The following STK26 variants were observed in gnomAD, a reference collection of about 807,000 sequenced individuals.
The protein encoded by STK26 is serine/threonine-protein kinase 26.
Under a neutral mutation model 34.7 loss-of-function variants are expected in STK26, and 14 were observed. The ratio of observed to expected loss-of-function variants is 0.40; its 90% CI spans 0.27 to 0.63. The LOEUF is 0.63. STK26 is among the 30% of genes least tolerant of loss of function. The probability of loss-of-function intolerance (pLI) is 0.38; values close to 1 mark genes in which losing one functional copy is unlikely to be tolerated. For missense variants in STK26, 226 were observed against 309.1 expected, an observed-to-expected ratio of 0.73 and a Z score of 2.02; for synonymous variants, 100 against 109.8, an observed-to-expected ratio of 0.91 and a Z score of 0.56.
At chrX:132,039,306 A>G (rs912851656) in intron 2 of STK26, among the ~76,000 whole-genome samples, 11 of 111,819 alleles carry the variant, frequency 9.8e-5, no homozygotes, top group African/African-American at 3.6e-4. Flanking sequence ...GAATACTCTT[A>G]TTTAATATGG....
Position 132,054,867 on chromosome X carries a change from G to C in STK26, c.273+6G>C, listed in dbSNP as rs368439571. 4 of 1,157,241 alleles carry C rather than the reference G, an allele frequency of 3.5e-6. No individual in the cohort carries two copies. Among genetic ancestry groups the C allele is most frequent in the Non-Finnish European group, 4.7e-6 (4 of 852,080 alleles). On this transcript the variant is annotated splice_donor_region_variant and intron_variant, in intron 3 of 11. Transcript: ENST00000394334. The stretch of plus-strand genomic sequence containing the variant: ...ACTATGGGTCATATTTAAAGGTAAT[G>C]TGTGTGCTGTATTATTTAAGTCATA...
chrX:132,027,056 A>C (rs758701475), intron 2 of STK26, among the ~76,000 whole-genome samples: 17 of 112,346 alleles, frequency 1.5e-4, no homozygotes, highest in African/African-American at 4.5e-4. Context: ...CACATGAAAT[A>C]TCAAATAATG....
Position 132,023,411 on chromosome X carries a change from G to A in STK26, c.-111+4G>A, listed in dbSNP as rs1018539411. 2 of 554,887 alleles carry A rather than the reference G, an allele frequency of 3.6e-6. No homozygotes were observed. The highest frequency in any genetic ancestry group is 6.4e-6 in the Non-Finnish European group (2 of 312,668). The allele number at this position is 554,887 out of a possible 1,213,427, so 45.7% of individuals were successfully genotyped here. On this transcript the variant is annotated splice_donor_region_variant and intron_variant, in intron 1 of 11. Coordinates refer to ENST00000394334, the MANE Select transcript of STK26 (RefSeq NM_016542.4). ...GCGGCGGGCGGGCGCCAGAAAGGTA[G>A]ACTGAGTCCCAGGGAGCTGCGCCGC...
intron 2 of STK26, among the ~76,000 whole-genome samples, chrX:132,024,583 C>T (rs756655242): frequency 5.4e-5 from 6 of 111,111 alleles, no homozygotes; most frequent in African/African-American, 2.0e-4. Flanking sequence ...GCCTAAACAA[C>T]CCATTTAGGG....
At chrX:132,027,883 T>C (rs547287232) in intron 2 of STK26, among the ~76,000 whole-genome samples, 1 of 108,576 alleles carries the variant, frequency 9.2e-6, no homozygotes, top group South Asian at 4.1e-4. Flanking sequence ...TGAGACACGG[T>C]CTCACTCTGT....
chrX:132,036,193 T>C (rs1009369391), intron 2 of STK26, among the ~76,000 whole-genome samples: 2 of 112,261 alleles, frequency 1.8e-5, no homozygotes, highest in African/African-American at 6.5e-5. Flanking sequence ...CCTAAATCAC[T>C]TTTCAATTTC....
At chrX:132,027,359 G>A (rs1444068838) in intron 2 of STK26, among the ~76,000 whole-genome samples, 1 of 112,083 alleles carries the variant, frequency 8.9e-6, no homozygotes, top group African/African-American at 3.2e-5. Flanking sequence ...CTTAACTGTA[G>A]GCTACTGTAA....
intron 2 of STK26, among the ~76,000 whole-genome samples, chrX:132,032,634 G>C (rs1245194139): frequency 9.0e-6 from 1 of 111,488 alleles, no homozygotes; most frequent in Non-Finnish European, 1.9e-5. Context: ...AAATACAAAG[G>C]ACTGAAATGC....
At position 132,025,896 on chromosome X, in the gene STK26, A is replaced by G. The variant is rs1159598378; in HGVS notation, c.42+2237A>G. On this transcript the variant is annotated intron_variant, in intron 2 of 11. Transcript: ENST00000394334. ...AGATGAGATGCAGAAATCTATCGTG[A>G]GCTTGTAAAATTCTCCTAGAGTTTT... Among the ~76,000 whole-genome samples, 3 of 111,168 alleles carry G rather than the reference A, an allele frequency of 2.7e-5. No individual in the cohort carries two copies. In the East Asian group the frequency reaches 8.4e-4, roughly 31 times the overall value.
At chrX:132,055,491 G>A in intron 3 of STK26, 1 of 1,155,270 alleles carries the variant, frequency 8.7e-7, no homozygotes, top group South Asian at 1.9e-5. Context: ...AGTTCCAGCA[G>A]ATGGAGGTGT....
At chrX:132,044,688 T>TATAGAG (rs754725330) in intron 2 of STK26, among the ~76,000 whole-genome samples, 1 of 43,401 alleles carries the variant, frequency 2.3e-5, no homozygotes, top group African/African-American at 1.2e-4. Context: ...TATATATATA[T>TATAGAG]AGAGAGAGAG....
Position 132,069,410 on chromosome X carries a change from CATATATATATATATATATATATAT to C in STK26, c.598-49_598-26del, listed in dbSNP as rs57609807. On this transcript the variant is annotated intron_variant, in intron 6 of 11. Coordinates refer to ENST00000394334, the MANE Select transcript of STK26 (RefSeq NM_016542.4). The stretch of plus-strand genomic sequence containing the variant: ...TTTCAAGGTGATATACATACATACA[CATATATATATATATATATATATAT>C]ATATATATATATATATATTATTTTC... The C allele has an allele frequency of 5.4e-4, 51 of 93,770 alleles. 5 individuals are homozygous for C. Among genetic ancestry groups the C allele is most frequent in the Middle Eastern group, 4.6e-3 (1 of 217 alleles). 7.7% of individuals were successfully genotyped at this position (93,770 alleles called of 1,213,427 possible).
intron 3 of STK26, among the ~76,000 whole-genome samples, chrX:132,057,099 A>G (rs1024922016): frequency 8.9e-6 from 1 of 112,261 alleles, no homozygotes; most frequent in African/African-American, 3.2e-5. Context: ...CTCAGTGAAG[A>G]CGCAGAATCT....
At chrX:132,066,409 T>G (rs981615395) in intron 4 of STK26, among the ~76,000 whole-genome samples, 3 of 112,071 alleles carry the variant, frequency 2.7e-5, no homozygotes, top group African/African-American at 9.7e-5. Context: ...AGCTCACAAA[T>G]GTACAGTCTT....
intron 2 of STK26, among the ~76,000 whole-genome samples, chrX:132,027,410 C>T (rs977806995): frequency 8.9e-5 from 10 of 112,053 alleles, no homozygotes; most frequent in East Asian, 2.8e-4. Context: ...CTATGATGTT[C>T]GGTAGGTTAG....
intron 3 of STK26, 147 bp from the exon 4 acceptor site, chrX:132,063,286 G>T: frequency 2.0e-6 from 1 of 493,211 alleles, no homozygotes; most frequent in Non-Finnish European, 3.4e-6. Flanking sequence ...TATCTCCAAG[G>T]GTTCAATTGT....
intron 2 of STK26, among the ~76,000 whole-genome samples, chrX:132,040,554 CG>C (rs1404027672): frequency 2.7e-5 from 3 of 111,106 alleles, no homozygotes; most frequent in Non-Finnish European, 5.7e-5. Flanking sequence ...GTATTTTTCT[CG>C]GTTTCTAGAG....
intron 2 of STK26, among the ~76,000 whole-genome samples, chrX:132,034,127 T>A (rs778462837): frequency 1.5e-4 from 15 of 100,807 alleles, no homozygotes; most frequent in Admixed American, 4.5e-4. Flanking sequence ...TATATATATA[T>A]AAAATAAAAA....
intron 3 of STK26, among the ~76,000 whole-genome samples, chrX:132,058,743 G>A (rs1436326936): frequency 9.0e-6 from 1 of 111,299 alleles, no homozygotes. Flanking sequence ...AGCTTCTTAA[G>A]GGATTAAATC....
Sources: gnomAD v4.1 joint callset for allele counts (sites outside exome capture counted in the v4.1 genomes callset) on GRCh38, gnomAD v4.1.1 for gene constraint, MANE v1.5 for transcripts, NCBI Gene and HGNC (gene_info 2026-07-23, HGNC 2026-07-21) for gene names.